Variants in PDE8B observed in about 807,000 individuals in gnomAD.
PDE8B encodes the protein phosphodiesterase 8B.
Under a neutral mutation model 101.3 loss-of-function variants are expected in PDE8B, and 26 were observed. That is an observed-to-expected ratio of 0.26 (90% CI 0.19 to 0.36). The LOEUF is 0.36. Among genes scored for constraint, PDE8B ranks in the 10% least tolerant of loss-of-function variants. The pLI is 1.00. For synonymous variants in PDE8B, 424 were observed against 429.3 expected, an observed-to-expected ratio of 0.99 and a Z score of 0.15; for missense variants, 810 against 1,163.1, an observed-to-expected ratio of 0.70 and a Z score of 4.42.
chr5:77,324,456 T>C (rs1775684196), intron 2 of PDE8B, among the ~76,000 whole-genome samples: 1 of 151,994 alleles, frequency 6.6e-6, no homozygotes, highest in South Asian at 2.1e-4. Flanking sequence ...GCTCAGGTGG[T>C]GGTAGGGTAG....
chr5:77,179,979 T>G, the PDE8B span, among the ~76,000 whole-genome samples: 1 of 152,074 alleles, frequency 6.6e-6, no homozygotes, highest in East Asian at 1.9e-4. Context: ...AAAATTATAG[T>G]GTATATGATT....
chr5:77,199,010 T>C, the PDE8B span, among the ~76,000 whole-genome samples: 1 of 152,212 alleles, frequency 6.6e-6, no homozygotes, highest in Non-Finnish European at 1.5e-5. Context: ...ATAGGGCTAA[T>C]GTGACTTTTT....
At chr5:77,359,402 G>A (rs1782705236) in intron 10 of PDE8B, among the ~76,000 whole-genome samples, 1 of 152,206 alleles carries the variant, frequency 6.6e-6, no homozygotes, top group Admixed American at 6.5e-5. Context: ...CCTAGTTTCA[G>A]GTAGACACAG....
chr5:77,095,184 CTTTGG>C, the PDE8B span, among the ~76,000 whole-genome samples: 1 of 151,962 alleles, frequency 6.6e-6, no homozygotes, highest in East Asian at 1.9e-4. Context: ...TTTGCTAAAG[CTTTGG>C]TTAACTTTCT....
chr5:77,290,206 T>C, intron 1 of PDE8B: 1 of 1,538,442 alleles, frequency 6.5e-7, no homozygotes, highest in Non-Finnish European at 8.8e-7. Flanking sequence ...CCTCGCGCAC[T>C]GTGTGTGCAC....
Position 77,337,235 on chromosome 5 carries a change from G to A in PDE8B, c.717G>A (p.Met239Ile). 1 of 1,558,496 alleles carries A rather than the reference G, an allele frequency of 6.4e-7. No individual in the cohort carries two copies. The highest frequency in any genetic ancestry group is 8.8e-7 in the Non-Finnish European group (1 of 1,132,060). The stretch of plus-strand genomic sequence containing the variant: ...CTTTGCTTTCTTTTCAGAGATTTAT[G>A]GAGAATAGCAGCATAATTGCTTGCT... The part of the protein sequence containing the change: ...LLHAGFNRRF[M>I]ENSSIIACYN... The change falls in exon 6 of 22, where the codon ATG becomes ATA. Residue 239 changes from methionine (M) to isoleucine (I), a missense_variant. Coordinates refer to ENST00000264917, the MANE Select transcript of PDE8B (RefSeq NM_003719.5).
intron 10 of PDE8B, among the ~76,000 whole-genome samples, chr5:77,362,225 C>T (rs6453303): frequency 0.59 from 89,173 of 152,066 alleles, 26,245 homozygotes; most frequent in South Asian, 0.62. Flanking sequence ...TACTGACTTG[C>T]GAAAACTGAT....
intron 10 of PDE8B, among the ~76,000 whole-genome samples, chr5:77,357,484 T>C (rs564832217): frequency 6.6e-6 from 1 of 152,318 alleles, no homozygotes; most frequent in South Asian, 2.1e-4. Context: ...AAGATTTTTT[T>C]TCCTGGCACA....
the PDE8B span, among the ~76,000 whole-genome samples, chr5:77,098,297 A>ATTT: frequency 1.3e-5 from 2 of 150,426 alleles, no homozygotes; most frequent in Admixed American, 1.3e-4. Flanking sequence ...TTTTTTTAAA[A>ATTT]AAAAAAAAGA....
At chr5:77,157,811 G>A in the PDE8B span, among the ~76,000 whole-genome samples, 1 of 152,194 alleles carries the variant, frequency 6.6e-6, no homozygotes, top group Non-Finnish European at 1.5e-5. Context: ...AAGGTCACCA[G>A]GTTTCTGCCT....
chr5:77,121,302 A>G, the PDE8B span, among the ~76,000 whole-genome samples: 1 of 152,162 alleles, frequency 6.6e-6, no homozygotes, highest in Non-Finnish European at 1.5e-5. Context: ...TCCCTGCCAC[A>G]TGGGCCTCAC....
At chr5:77,291,120 T>G in intron 1 of PDE8B, 1 of 1,611,158 alleles carries the variant, frequency 6.2e-7, no homozygotes, top group Non-Finnish European at 8.5e-7. Flanking sequence ...AGACCTCAGC[T>G]TAGTTGTTCC....
intron 1 of PDE8B, among the ~76,000 whole-genome samples, chr5:77,240,541 A>G (rs943705222): frequency 4.6e-5 from 7 of 152,388 alleles, no homozygotes; most frequent in Admixed American, 6.5e-5. Context: ...AGTAGAAACC[A>G]TAAGATAACC....
Position 77,211,107 on chromosome 5 carries a change from C to A in PDE8B, c.182C>A (p.Pro61His). 1 of 1,492,762 alleles carries A rather than the reference C, an allele frequency of 6.7e-7. No homozygotes were observed. Among genetic ancestry groups the A allele is most frequent in the Admixed American group, 2.2e-5 (1 of 45,460 alleles). 92.5% of individuals were successfully genotyped at this position (1,492,762 alleles called of 1,614,324 possible). Residue 61 changes from proline (P) to histidine (H), a missense_variant, in exon 1 of 22, where the codon CCC (proline) becomes CAC (histidine). Pro to His is a moderately conservative substitution (Grantham distance 77). This residue lies in a region of PDE8B where 159 missense variants were observed against 146.6 expected (regional missense o/e 1.08). Transcript: ENST00000264917. The surrounding 1 kb of genome is among the most constrained non-coding windows in gnomAD (Gnocchi z 4.1). ...DAIPPSRASG[P>H]PSVARVRRAR... ...ATCCCCCCGAGCCGCGCGTCGGGAC[C>A]CCCCAGCGTAGCCCGCGTCCGCAGG...
chr5:77,107,873 A>G, the PDE8B span, among the ~76,000 whole-genome samples: 32 of 152,314 alleles, frequency 2.1e-4, no homozygotes, highest in Middle Eastern at 3.4e-3. Flanking sequence ...GTTGTATTCT[A>G]TATGGAAGTT....
intron 1 of PDE8B, among the ~76,000 whole-genome samples, chr5:77,221,297 A>G (rs1751046213): frequency 6.6e-6 from 1 of 151,880 alleles, no homozygotes; most frequent in Non-Finnish European, 1.5e-5. Flanking sequence ...ATATACTTGC[A>G]GTTTGTTTGT....
At chr5:77,112,768 C>G in the PDE8B span, 3 of 152,214 alleles carry the variant, frequency 2.0e-5, no homozygotes, top group African/African-American at 7.2e-5. Flanking sequence ...TTAGAAAGCC[C>G]CATCATCTCA....
intron 1 of PDE8B, among the ~76,000 whole-genome samples, chr5:77,263,344 T>C (rs1761019957): frequency 6.6e-6 from 1 of 152,246 alleles, no homozygotes; most frequent in Non-Finnish European, 1.5e-5. Flanking sequence ...CAGGGCACTT[T>C]CTCAGAATGC....
At chr5:77,112,978 C>A in the PDE8B span, 2 of 152,268 alleles carry the variant, frequency 1.3e-5, no homozygotes, top group South Asian at 4.1e-4. Flanking sequence ...CGGACTTCTT[C>A]AAGGAGAACT....
Sources: allele counts gnomAD v4.1 joint callset (sites outside exome capture counted in the v4.1 genomes callset), GRCh38; gene constraint gnomAD v4.1.1; regional missense constraint gnomAD v4.1.1; non-coding constraint Gnocchi (gnomAD v3.1); transcripts MANE v1.5; gene names NCBI Gene and HGNC (gene_info 2026-07-23, HGNC 2026-07-21).